Variants in KIAA1671 observed in about 807,000 individuals in gnomAD.
The protein encoded by KIAA1671 is KIAA1671, also known as uncharacterized protein KIAA1671.
KIAA1671 carries 52 observed loss-of-function variants against 131.2 expected under a neutral mutation model. The ratio of observed to expected loss-of-function variants is 0.40; its 90% CI spans 0.32 to 0.50. The LOEUF (loss-of-function observed/expected upper bound fraction) is 0.50. Among genes scored for constraint, KIAA1671 ranks in the 20% least tolerant of loss-of-function variants. The pLI is 0.73. For synonymous variants in KIAA1671, 1,003 were observed against 961.6 expected, an observed-to-expected ratio of 1.04 and a Z score of -0.80; for missense variants, 2,360 against 2,364.2, an observed-to-expected ratio of 1.00 and a Z score of 0.04.
chr22:25,008,396 C>G (rs902915314), intron 1 of KIAA1671, among the ~76,000 whole-genome samples: 1 of 151,948 alleles, frequency 6.6e-6, no homozygotes, highest in Non-Finnish European at 1.5e-5. Flanking sequence ...ATTCACCACC[C>G]TGTAAAATGG....
intron 1 of KIAA1671, among the ~76,000 whole-genome samples, chr22:24,974,410 T>C (rs1221588256): frequency 6.6e-6 from 1 of 152,114 alleles, no homozygotes; most frequent in African/African-American, 2.4e-5. Context: ...GAACTATTCT[T>C]ATTTCCAGAT....
chr22:25,170,716 T>A, intron 6 of KIAA1671, 104 bp from the exon 7 acceptor site: 1 of 1,103,262 alleles, frequency 9.1e-7, no homozygotes, highest in Admixed American at 2.0e-5. Flanking sequence ...GTTGCTGGGA[T>A]GGGTTTGAGC....
intron 1 of KIAA1671, among the ~76,000 whole-genome samples, chr22:24,980,226 T>A (rs1923153986): frequency 6.6e-6 from 1 of 152,020 alleles, no homozygotes; most frequent in Non-Finnish European, 1.5e-5. Flanking sequence ...ATGAATAAAA[T>A]GCTGTAAAAA....
chr22:25,133,875 G>A (rs887436429), intron 6 of KIAA1671, among the ~76,000 whole-genome samples: 2 of 152,180 alleles, frequency 1.3e-5, no homozygotes, highest in African/African-American at 4.8e-5. Flanking sequence ...GGGCGGAGAG[G>A]AAGGTACATG....
At chr22:25,173,751 CAA>C (rs1568991765) in intron 7 of KIAA1671, among the ~76,000 whole-genome samples, 1 of 152,074 alleles carries the variant, frequency 6.6e-6, no homozygotes, top group Non-Finnish European at 1.5e-5. Context: ...TTATCAGAAC[CAA>C]GGGATCCAAA....
intron 6 of KIAA1671, among the ~76,000 whole-genome samples, chr22:25,147,188 TTTTATTTTATTTTATTTTATTTTAG>T (rs1418716717): frequency 8.7e-6 from 1 of 114,876 alleles, no homozygotes; most frequent in African/African-American, 4.4e-5. Context: ...TTTTATTTTA[TTTTATTTTATTTTATTTTATTTTAG>T]ACAGAGTCTT....
intron 6 of KIAA1671, among the ~76,000 whole-genome samples, chr22:25,144,646 C>T (rs1601353627): frequency 6.6e-6 from 1 of 152,208 alleles, no homozygotes; most frequent in East Asian, 1.9e-4. Flanking sequence ...AATATTTGTG[C>T]AGGCTTTACA....
chr22:25,017,859 A>AAT (rs1925414931), intron 1 of KIAA1671, among the ~76,000 whole-genome samples: 1 of 152,200 alleles, frequency 6.6e-6, no homozygotes, highest in African/African-American at 2.4e-5. Context: ...AACAAGTGTT[A>AAT]CATGTGCCCC....
In KIAA1671 at chr22:25,193,233, T is replaced by C. The variant is rs1344319092; in HGVS notation, c.*832T>C. 2.0e-5 allele frequency: 3 copies of C among 152,240 alleles called. No individual in the cohort carries two copies. Among genetic ancestry groups the C allele is most frequent in the East Asian group, 1.9e-4 (1 of 5,200 alleles). 9.4% of individuals were successfully genotyped at this position (152,240 alleles called of 1,614,324 possible). ...CCCTATCCAAGCTGTTTAGAAGTTA[T>C]AATTGTCACTCTTGTATTTATTTCC... On this transcript the variant is annotated 3_prime_UTR_variant, in exon 13 of 13. Coordinates refer to ENST00000358431, the MANE Select transcript of KIAA1671 (RefSeq NM_001145206.2).
intron 10 of KIAA1671, 120 bp from the exon 11 acceptor site, chr22:25,184,857 A>T: frequency 9.2e-7 from 1 of 1,088,268 alleles, no homozygotes; most frequent in Non-Finnish European, 1.4e-6. Flanking sequence ...GTCTGGGTTT[A>T]TTCCGATTCA....
At chr22:24,999,232 A>G (rs543443948) in intron 1 of KIAA1671, among the ~76,000 whole-genome samples, 3 of 152,184 alleles carry the variant, frequency 2.0e-5, no homozygotes, top group Admixed American at 1.3e-4. Context: ...AGTGTATAGT[A>G]TACAGAGAGA....
Position 25,122,757 on chromosome 22 carries a change from G to A in KIAA1671, c.4531-48063G>A, listed in dbSNP as rs981851139. ...TGGGAGGCCGAGGCGGGCCGATCAC[G>A]AGGTCAGGAGATCGAGACCATCCTG... On this transcript the variant is annotated intron_variant, in intron 6 of 12. Transcript: ENST00000358431. Among the ~76,000 whole-genome samples the A allele has an allele frequency of 3.9e-5, 6 of 152,272 alleles. No homozygotes were observed. The South Asian group carries it at 6.2e-4, about 16-fold the overall frequency.
chr22:24,974,863 T>G (rs1271613580), intron 1 of KIAA1671, among the ~76,000 whole-genome samples: 1 of 151,940 alleles, frequency 6.6e-6, no homozygotes, highest in Non-Finnish European at 1.5e-5. Context: ...CTGGCTAATT[T>G]TTGTATTTTT....
At position 25,036,700 on chromosome 22, in the gene KIAA1671, C is replaced by G. The variant is rs966136712; in HGVS notation, c.1630-2060C>G. On this transcript the variant is annotated intron_variant, in intron 4 of 12. Coordinates refer to ENST00000358431, the MANE Select transcript of KIAA1671 (RefSeq NM_001145206.2). Reference sequence around the variant, plus strand: ...TCGGGAAGCCAAGGTGGGTGGTTCACCTGAGGTTGGGAGTTCAACACCAGC... The same window carrying G: ...TCGGGAAGCCAAGGTGGGTGGTTCAGCTGAGGTTGGGAGTTCAACACCAGC... 9.1e-3 allele frequency among the ~76,000 whole-genome samples: 1,387 copies of G among 152,094 alleles called. 29 individuals are homozygous for G. Among genetic ancestry groups the G allele is most frequent in the African/African-American group, 0.032 (1,322 of 41,488 alleles).
intron 6 of KIAA1671, among the ~76,000 whole-genome samples, chr22:25,139,597 C>T (rs981611154): frequency 6.6e-6 from 1 of 152,190 alleles, no homozygotes; most frequent in Non-Finnish European, 1.5e-5. Flanking sequence ...AGAGAACAGA[C>T]CATTTACTTT....
At chr22:25,021,130 T>A (rs1925643160) in intron 1 of KIAA1671, among the ~76,000 whole-genome samples, 1 of 152,148 alleles carries the variant, frequency 6.6e-6, no homozygotes, top group South Asian at 2.1e-4. Context: ...TGTGATGTGA[T>A]CTTGGCTCAC....
chr22:25,140,372 T>A (rs1459719320), intron 6 of KIAA1671, among the ~76,000 whole-genome samples: 1 of 152,044 alleles, frequency 6.6e-6, no homozygotes, highest in Non-Finnish European at 1.5e-5. Flanking sequence ...GGTTTTCTCT[T>A]TTTTTTTCCT....
Position 25,039,501 on chromosome 22 carries a change from G to T in KIAA1671, c.2371G>T (p.Gly791Trp). The T allele has an allele frequency of 6.4e-7, 1 of 1,551,802 alleles. No individual in the cohort carries two copies. The highest frequency in any genetic ancestry group is 8.7e-7 in the Non-Finnish European group (1 of 1,147,008). The change falls in exon 5 of 13, where the codon GGG (glycine) becomes TGG (tryptophan). Residue 791 changes from glycine (G) to tryptophan (W), a missense_variant. Transcript: ENST00000358431. ...GGAGTGTGGTTTGGAAGGTCAGGCG[G>T]GGTCCGTCCAAAGGGCCAGTTTGAT... ...DLECGLEGQA[G>W]SVQRASLIWE...
At chr22:25,034,970 C>T (rs6004402) in intron 4 of KIAA1671, among the ~76,000 whole-genome samples, 28,104 of 150,916 alleles carry the variant, frequency 0.19, 2,694 homozygotes, top group Middle Eastern at 0.25. Flanking sequence ...ATCTCCTGAC[C>T]TTGTGAGCCA....
Sources: allele counts gnomAD v4.1 joint callset (sites outside exome capture counted in the v4.1 genomes callset), GRCh38; gene constraint gnomAD v4.1.1; transcripts MANE v1.5; gene names NCBI Gene and HGNC (gene_info 2026-07-23, HGNC 2026-07-21).